The following GAB2 variants were observed in gnomAD, a reference collection of about 807,000 sequenced individuals.
GAB2 encodes the protein GRB2 associated binding protein 2, also known as GRB2-associated-binding protein 2.
In GAB2, 26 loss-of-function variants were observed where a neutral mutation model predicts 65.5. The ratio of observed to expected loss-of-function variants is 0.40; its 90% CI spans 0.29 to 0.55. The LOEUF (loss-of-function observed/expected upper bound fraction) is 0.55, where lower values mean the gene tolerates loss of function less well. Ranked by LOEUF, GAB2 falls within the 20% of genes least tolerant of loss-of-function variation. GAB2 has a pLI of 0.53. For synonymous variants in GAB2, 321 were observed against 329.6 expected, an observed-to-expected ratio of 0.97 and a Z score of 0.28; for missense variants, 884 against 875.8, an observed-to-expected ratio of 1.01 and a Z score of -0.12.
rs1864683549 is a variant in GAB2 at position 78,226,934 on chromosome 11, A to G, written c.738T>C (p.His246=). The change falls in exon 4 of 10, where the codon CAT becomes CAC. Residue 246 remains histidine, a synonymous_variant. Coordinates refer to ENST00000361507, the MANE Select transcript of GAB2 (RefSeq NM_080491.3). ...HCVNGISGQV[H]GFYSLPKPSR... is the part of the protein sequence containing the mutation. Reference sequence around the variant, plus strand: ...TCGGCTTGGGAAGGCTATAGAAGCCATGGACTTGACCACTGATCCCGTTGA... The same window carrying G: ...TCGGCTTGGGAAGGCTATAGAAGCCGTGGACTTGACCACTGATCCCGTTGA... 6.2e-7 allele frequency: 1 copy of G among 1,613,842 alleles called. No individual in the cohort carries two copies. The highest frequency in any genetic ancestry group is 1.7e-5 in the Admixed American group (1 of 60,000).
intron 1 of GAB2, among the ~76,000 whole-genome samples, chr11:78,305,440 A>T (rs1199749788): frequency 1.3e-5 from 2 of 152,200 alleles, no homozygotes; most frequent in African/African-American, 4.8e-5. Flanking sequence ...CTGAATGTTT[A>T]GGCAGGGCAA....
chr11:78,398,820 T>G (rs559851491), intron 1 of GAB2, among the ~76,000 whole-genome samples: 19 of 152,056 alleles, frequency 1.2e-4, no homozygotes, highest in Non-Finnish European at 2.1e-4. Flanking sequence ...GGTCAGAAAA[T>G]GTACAAGATA....
At chr11:78,326,224 C>A (rs1239459238) in intron 1 of GAB2, among the ~76,000 whole-genome samples, 3 of 152,160 alleles carry the variant, frequency 2.0e-5, no homozygotes, top group African/African-American at 7.2e-5. Flanking sequence ...ATGCTTCCAA[C>A]CTTGTGTGAT....
intron 1 of GAB2, among the ~76,000 whole-genome samples, chr11:78,410,737 T>C (rs1857116963): frequency 6.6e-6 from 1 of 152,222 alleles, no homozygotes; most frequent in Non-Finnish European, 1.5e-5. Context: ...ACCCCGTATC[T>C]ATTAAAGAAA....
rs922670769 is a variant in GAB2 at position 78,224,065 on chromosome 11, G to A, written c.1303-389C>T. 3.3e-5 allele frequency among the ~76,000 whole-genome samples: 5 copies of A among 152,284 alleles called. No homozygotes were observed. In the East Asian group the frequency reaches 9.6e-4, roughly 29 times the overall value. The stretch of plus-strand genomic sequence containing the variant: ...CCACTGCACTCCAGCCTGGGTGACA[G>A]AGTGAGACTCTGTTTCAAAAAATAA... On this transcript the variant is annotated intron_variant, in intron 5 of 9. Transcript: ENST00000361507.
rs1403533072 is a variant in GAB2 at position 78,247,875 on chromosome 11, A to G, written c.620+2282T>C. On this transcript the variant is annotated intron_variant, in intron 3 of 9. Transcript: ENST00000361507. ...ACATTATTTGAACTTATTTTCTCCA[A>G]AAGTCTCCCTGAGATCCTGCTCATT... 7.9e-5 allele frequency among the ~76,000 whole-genome samples: 12 copies of G among 152,140 alleles called. No homozygotes were observed. In the East Asian group the frequency reaches 2.1e-3, roughly 27 times the overall value.
chr11:78,291,440 T>G, intron 1 of GAB2, among the ~76,000 whole-genome samples: 1 of 146,566 alleles, frequency 6.8e-6, no homozygotes. Context: ...CACTCCAGCC[T>G]GGGCAACAGA....
intron 1 of GAB2, among the ~76,000 whole-genome samples, chr11:78,389,872 C>T (rs1362714844): frequency 1.3e-5 from 2 of 152,292 alleles, no homozygotes; most frequent in East Asian, 3.9e-4. Flanking sequence ...CTTTCTCTCT[C>T]GCAATGCCTA....
chr11:78,333,944 A>G lies in GAB2; in HGVS notation c.76-53043T>C, dbSNP rs142038241. ...CTCTATATATTGCTTGCTGATTCATATTTCTCTCATTGTACCAAGTACTCC... is the reference window on the plus strand; with the variant it reads ...CTCTATATATTGCTTGCTGATTCATGTTTCTCTCATTGTACCAAGTACTCC... On this transcript the variant is annotated intron_variant, in intron 1 of 9. Coordinates refer to ENST00000361507, the MANE Select transcript of GAB2 (RefSeq NM_080491.3). Among the ~76,000 whole-genome samples the G allele has an allele frequency of 2.5e-3, 379 of 152,148 alleles. 2 individuals carry two copies. The highest frequency in any genetic ancestry group is 5.0e-3 in the South Asian group (24 of 4,832).
intron 1 of GAB2, among the ~76,000 whole-genome samples, chr11:78,351,618 T>G (rs1444153471): frequency 6.6e-6 from 1 of 152,170 alleles, no homozygotes; most frequent in Non-Finnish European, 1.5e-5. Context: ...ATTTACCATT[T>G]CTACGTGAAA....
chr11:78,262,046 TATC>T (rs1865748625), intron 2 of GAB2, among the ~76,000 whole-genome samples: 1 of 152,200 alleles, frequency 6.6e-6, no homozygotes, highest in African/African-American at 2.4e-5. Context: ...GCGTCAGACT[TATC>T]AGTTGTGGAT....
At chr11:78,235,477 C>T (rs116506059) in intron 3 of GAB2, among the ~76,000 whole-genome samples, 3,280 of 152,206 alleles carry the variant, frequency 0.022, 103 homozygotes, top group African/African-American at 0.075. Flanking sequence ...ATCACATCGT[C>T]AGGTGGCAAA....
chr11:78,389,602 C>A (rs148475527), intron 1 of GAB2, among the ~76,000 whole-genome samples: 29 of 152,266 alleles, frequency 1.9e-4, no homozygotes, highest in African/African-American at 7.0e-4. Context: ...CCACCGCGCC[C>A]GGCCGTGGTT....
chr11:78,314,492 A>T (rs1855561179), intron 1 of GAB2, among the ~76,000 whole-genome samples: 1 of 152,196 alleles, frequency 6.6e-6, no homozygotes, highest in Non-Finnish European at 1.5e-5. Flanking sequence ...TCCCACCTTG[A>T]TCTTCTGCTA....
At chr11:78,268,938 G>C (rs996960644) in intron 2 of GAB2, among the ~76,000 whole-genome samples, 1 of 152,100 alleles carries the variant, frequency 6.6e-6, no homozygotes, top group African/African-American at 2.4e-5. Flanking sequence ...GGCCTGTTCT[G>C]TGGATGACTA....
intron 3 of GAB2, among the ~76,000 whole-genome samples, chr11:78,248,817 C>G (rs1865366522): frequency 6.6e-6 from 1 of 152,166 alleles, no homozygotes; most frequent in South Asian, 2.1e-4. Flanking sequence ...ACTCCAAAGC[C>G]TGAACATGCT....
chr11:78,320,878 G>A (rs924826446), intron 1 of GAB2, among the ~76,000 whole-genome samples: 1 of 152,098 alleles, frequency 6.6e-6, no homozygotes, highest in African/African-American at 2.4e-5. Context: ...GTCTCAACTG[G>A]GAGATATTAT....
intron 1 of GAB2, among the ~76,000 whole-genome samples, chr11:78,323,819 A>G (rs1302772078): frequency 1.2e-5 from 1 of 82,728 alleles, no homozygotes; most frequent in Non-Finnish European, 2.3e-5. Flanking sequence ...TTTTTTTGAG[A>G]CAAAGCCTGG....
chr11:78,347,546 G>A (rs1239812816), intron 1 of GAB2, among the ~76,000 whole-genome samples: 1 of 152,046 alleles, frequency 6.6e-6, no homozygotes, highest in African/African-American at 2.4e-5. Context: ...TTTATTTCTT[G>A]AGAAATAAAG....
Sources: gnomAD v4.1 joint callset for allele counts (sites outside exome capture counted in the v4.1 genomes callset) on GRCh38, gnomAD v4.1.1 for gene constraint, MANE v1.5 for transcripts, NCBI Gene and HGNC (gene_info 2026-07-23, HGNC 2026-07-21) for gene names.